CNTNAP3B: variants seen among roughly 807,000 people sequenced by gnomAD.
CNTNAP3B encodes the protein contactin-associated protein-like 3B.
In CNTNAP3B, 25 loss-of-function variants were observed where a neutral mutation model predicts 108.9. The ratio of observed to expected loss-of-function variants is 0.23; its 90% CI spans 0.17 to 0.32. The LOEUF (loss-of-function observed/expected upper bound fraction) is 0.32. Ranked by LOEUF, CNTNAP3B falls within the 10% of genes least tolerant of loss-of-function variation. The pLI is 1.00. For missense variants in CNTNAP3B, 252 were observed against 1,210.4 expected, an observed-to-expected ratio of 0.21 and a Z score of 11.75; for synonymous variants, 103 against 473.4, an observed-to-expected ratio of 0.22 and a Z score of 10.16.
intron 2 of CNTNAP3B, among the ~76,000 whole-genome samples, chr9:42,079,416 G>A (rs1450227836): frequency 1.6e-5 from 2 of 126,492 alleles, no homozygotes; most frequent in African/African-American, 6.4e-5. Flanking sequence ...TCCTTTTGGG[G>A]TTGGTCTAAC....
intron 3 of CNTNAP3B, among the ~76,000 whole-genome samples, chr9:42,020,080 G>C (rs1304596337): frequency 1.1e-4 from 15 of 133,040 alleles, no homozygotes; most frequent in Non-Finnish European, 1.7e-4. Flanking sequence ...AAGTCAAAAA[G>C]AGAAAAACAA....
intron 1 of CNTNAP3B, among the ~76,000 whole-genome samples, chr9:42,115,156 G>A (rs1430304732): frequency 2.2e-5 from 3 of 138,244 alleles, no homozygotes; most frequent in Non-Finnish European, 3.1e-5. Context: ...TTCAAACATT[G>A]CTAAATGCAA....
intron 1 of CNTNAP3B, among the ~76,000 whole-genome samples, chr9:42,121,154 T>C (rs1238099639): frequency 7.3e-6 from 1 of 137,288 alleles, no homozygotes; most frequent in Non-Finnish European, 1.6e-5. Context: ...ATAAATGCAT[T>C]CCCCCTGCTG....
chr9:42,089,903 A>G (rs1827781917), intron 2 of CNTNAP3B, among the ~76,000 whole-genome samples: 3 of 139,858 alleles, frequency 2.1e-5, no homozygotes, highest in Admixed American at 2.1e-4. Context: ...TCTGCACGTG[A>G]GAGTTCATGG....
chr9:41,920,732 G>T (rs2117941719), intron 17 of CNTNAP3B, among the ~76,000 whole-genome samples: 1 of 152,426 alleles, frequency 6.6e-6, no homozygotes, highest in South Asian at 2.1e-4. Context: ...GGTTAGGTAT[G>T]AACTTCCAAA....
intron 3 of CNTNAP3B, among the ~76,000 whole-genome samples, chr9:42,044,315 G>C (rs1826823522): frequency 6.6e-6 from 1 of 151,314 alleles, no homozygotes; most frequent in Admixed American, 6.6e-5. Context: ...GTTCAGCACT[G>C]TTTGCAGTTT....
chr9:41,942,616 TTAAAA>T (rs1273456539), intron 13 of CNTNAP3B, among the ~76,000 whole-genome samples: 1 of 149,604 alleles, frequency 6.7e-6, no homozygotes, highest in Non-Finnish European at 1.5e-5. Context: ...CTCAAAAAAA[TTAAAA>T]TAAAATAAAA....
chr9:42,103,498 T>G (rs1587274127), intron 2 of CNTNAP3B, among the ~76,000 whole-genome samples: 2 of 111,528 alleles, frequency 1.8e-5, no homozygotes, highest in African/African-American at 4.1e-5. Flanking sequence ...CTGAGGTGGG[T>G]GGATCAGGAG....
chr9:42,034,203 T>TATCTATCTATCTATCTATCTA (rs1826580656), intron 3 of CNTNAP3B, among the ~76,000 whole-genome samples: 1 of 135,968 alleles, frequency 7.4e-6, no homozygotes, highest in Non-Finnish European at 1.6e-5. Flanking sequence ...TCTATCTATC[T>TATCTATCTATCTATCTATCTA]ATCTATCTAT....
rs1171358276 is a variant in CNTNAP3B, at chr9:42,011,642, TAAAC to T, written c.538+1732_538+1735del. The T allele has an allele frequency of 9.9e-5, 3 of 30,280 alleles. 1 individual carries two copies. Among genetic ancestry groups the T allele is most frequent in the African/African-American group, 2.8e-4 (3 of 10,830 alleles). The allele number at this position is 30,280 out of a possible 1,614,324, so 1.9% of individuals were successfully genotyped here. ...AAAAAAAGATAAATTGATAAATACA[TAAAC>T]AAATAAATGGGAAGAGATGCTGCGT... is the stretch of plus-strand genomic sequence containing the variant. On this transcript the variant is annotated intron_variant, in intron 4 of 23. Coordinates refer to ENST00000377561, the MANE Select transcript of CNTNAP3B (RefSeq NM_001201380.3).
At chr9:41,963,145 G>T (rs1407029287) in intron 11 of CNTNAP3B, among the ~76,000 whole-genome samples, 8 of 152,288 alleles carry the variant, frequency 5.3e-5, no homozygotes, top group Non-Finnish European at 8.8e-5. Context: ...CATGTATGAA[G>T]TGTGGTTTTA....
chr9:42,094,338 C>G lies in CNTNAP3B; in HGVS notation c.196+10291G>C, dbSNP rs1358909303. 3.1e-5 allele frequency among the ~76,000 whole-genome samples: 4 copies of G among 129,110 alleles called. 1 individual carries two copies. The highest frequency in any genetic ancestry group is 1.3e-4 in the African/African-American group (4 of 30,626). 84.7% of individuals were successfully genotyped at this position (129,110 alleles called of 152,430 possible). A position where few individuals can be genotyped will look rare whatever the true frequency, so the allele number is the denominator to read the frequency against. On this transcript the variant is annotated intron_variant, in intron 2 of 23. Transcript: ENST00000377561. ...TAAGAATGGTTTTACATTTGTAAAG[C>G]GTTGCATTTAAAAAAAAAAAACAAA...
At chr9:42,037,478 C>G (rs1039361910) in intron 3 of CNTNAP3B, among the ~76,000 whole-genome samples, 3 of 129,134 alleles carry the variant, frequency 2.3e-5, no homozygotes, top group African/African-American at 9.5e-5. Context: ...AACCACATGA[C>G]GCATGTACGA....
At position 42,129,190 on chromosome 9, in the gene CNTNAP3B, C is replaced by A. The variant is rs769463985; in HGVS notation, c.-96G>T. 5.5e-6 allele frequency: 8 copies of A among 1,451,718 alleles called. No homozygotes were observed. Among genetic ancestry groups the A allele is most frequent in the Non-Finnish European group, 7.4e-6 (8 of 1,087,452 alleles). 89.9% of individuals were successfully genotyped at this position (1,451,718 alleles called of 1,614,324 possible). A position where few individuals can be genotyped will look rare whatever the true frequency, so the allele number is the denominator to read the frequency against. ...CCCGCTCTCACTCCCGTCCCCTGCG[C>A]GGCTCCGACGCTGCTCTGTCTCCCC... On this transcript the variant is annotated 5_prime_UTR_variant, in exon 1 of 24. Transcript: ENST00000377561.
intron 3 of CNTNAP3B, among the ~76,000 whole-genome samples, chr9:42,042,704 T>C (rs1172907041): frequency 4.5e-5 from 4 of 88,758 alleles, no homozygotes; most frequent in Non-Finnish European, 8.9e-5. Flanking sequence ...TGAACGTTGG[T>C]ATATTTGGGG....
chr9:41,931,535 C>T (rs1472902458), intron 14 of CNTNAP3B, among the ~76,000 whole-genome samples: 1 of 152,014 alleles, frequency 6.6e-6, no homozygotes, highest in African/African-American at 2.4e-5. Flanking sequence ...AAGATTATTC[C>T]CTGAAAAAAT....
chr9:42,056,474 C>T (rs1564184920), intron 3 of CNTNAP3B, among the ~76,000 whole-genome samples: 1 of 136,966 alleles, frequency 7.3e-6, no homozygotes, highest in Non-Finnish European at 1.6e-5. Flanking sequence ...CCTCAGCCTC[C>T]TGAGTAGCTG....
intron 18 of CNTNAP3B, among the ~76,000 whole-genome samples, chr9:41,915,690 G>A (rs1823497874): frequency 1.4e-5 from 2 of 145,252 alleles, no homozygotes; most frequent in African/African-American, 2.6e-5. Context: ...ATCATGAAAG[G>A]TTACTGGAGT....
At chr9:42,078,313 C>T (rs2118620530) in intron 2 of CNTNAP3B, among the ~76,000 whole-genome samples, 1 of 117,624 alleles carries the variant, frequency 8.5e-6, no homozygotes, top group Non-Finnish European at 1.8e-5. Context: ...GAATTGATGA[C>T]CACACTTAAC....
Sources: allele counts gnomAD v4.1 joint callset (sites outside exome capture counted in the v4.1 genomes callset), GRCh38; gene constraint gnomAD v4.1.1; transcripts MANE v1.5; gene names NCBI Gene and HGNC (gene_info 2026-07-23, HGNC 2026-07-21).